PITPNC1: variants seen among roughly 807,000 people sequenced by gnomAD.
PITPNC1 encodes phosphatidylinositol transfer protein cytoplasmic 1.
PITPNC1 carries 18 observed loss-of-function variants against 44.7 expected under a neutral mutation model. That is an observed-to-expected ratio of 0.40 (90% CI 0.28 to 0.60). The LOEUF (loss-of-function observed/expected upper bound fraction) is 0.60. PITPNC1 is among the 20% of genes least tolerant of loss of function. The pLI is 0.39. For missense variants in PITPNC1, 290 were observed against 418.4 expected, an observed-to-expected ratio of 0.69 and a Z score of 2.68; for synonymous variants, 141 against 149.6, an observed-to-expected ratio of 0.94 and a Z score of 0.42.
intron 1 of PITPNC1, among the ~76,000 whole-genome samples, chr17:67,476,938 GC>G (rs1467308941): frequency 6.6e-6 from 1 of 152,166 alleles, no homozygotes; most frequent in Non-Finnish European, 1.5e-5. Flanking sequence ...AGAGTCTCAG[GC>G]CCCACCCCAG....
In PITPNC1 at chr17:67,628,370, A is replaced by C. The variant is rs77138007; in HGVS notation, c.367-3773A>C. 6.7e-3 allele frequency among the ~76,000 whole-genome samples: 1,024 copies of C among 152,260 alleles called. 4 individuals are homozygous for C. The highest frequency in any genetic ancestry group is 0.017 in the Middle Eastern group (5 of 294). On this transcript the variant is annotated intron_variant, in intron 5 of 8. Coordinates refer to ENST00000581322, the MANE Select transcript of PITPNC1 (RefSeq NM_012417.4). ...TTTGTATGCAATGGGTGTATCAGTC[A>C]GGGCCCAATCAGGAGATAGAAACCA...
chr17:67,636,037 G>A (rs1214375397), intron 6 of PITPNC1, among the ~76,000 whole-genome samples: 5 of 152,098 alleles, frequency 3.3e-5, no homozygotes, highest in Non-Finnish European at 7.4e-5. Flanking sequence ...GGTGGCTCAC[G>A]CCTATAATCC....
At chr17:67,442,444 G>A (rs1038114971) in intron 1 of PITPNC1, among the ~76,000 whole-genome samples, 1 of 150,938 alleles carries the variant, frequency 6.6e-6, no homozygotes, top group Non-Finnish European at 1.5e-5. Flanking sequence ...GCAGCCAGTG[G>A]GGAAGAAGGC....
At chr17:67,550,929 C>T (rs1404695285) in intron 2 of PITPNC1, among the ~76,000 whole-genome samples, 7 of 152,080 alleles carry the variant, frequency 4.6e-5, no homozygotes, top group African/African-American at 1.7e-4. Flanking sequence ...GGCGTGGTGG[C>T]TGGCGCCTGT....
At chr17:67,488,045 T>C (rs867179530) in intron 1 of PITPNC1, among the ~76,000 whole-genome samples, 1 of 152,192 alleles carries the variant, frequency 6.6e-6, no homozygotes, top group African/African-American at 2.4e-5. Flanking sequence ...AAAAGAGCTG[T>C]TGCTGGCGGG....
intron 1 of PITPNC1, among the ~76,000 whole-genome samples, chr17:67,454,915 G>C (rs984011932): frequency 3.3e-5 from 5 of 151,360 alleles, no homozygotes; most frequent in African/African-American, 1.2e-4. Flanking sequence ...CACCTCCAGG[G>C]CTCAAGCAAT....
At position 67,630,355 on chromosome 17, in the gene PITPNC1, C is replaced by T. The variant is rs181119352; in HGVS notation, c.367-1788C>T. 7.5e-4 allele frequency among the ~76,000 whole-genome samples: 115 copies of T among 152,336 alleles called. 1 individual carries two copies. The highest frequency in any genetic ancestry group is 3.4e-3 in the Middle Eastern group (1 of 294). On this transcript the variant is annotated intron_variant, in intron 5 of 8. Coordinates refer to ENST00000581322, the MANE Select transcript of PITPNC1 (RefSeq NM_012417.4). ...TCTGTTGGCCGGGCATGGTGGCTCA[C>T]GCCTGTAATCCCAGCACTTTGGGAG...
chr17:67,627,126 G>A (rs1261180070), intron 5 of PITPNC1, among the ~76,000 whole-genome samples: 1 of 152,138 alleles, frequency 6.6e-6, no homozygotes, highest in Admixed American at 6.5e-5. Context: ...GGTGACAGGC[G>A]CCTGTAATCC....
intron 1 of PITPNC1, among the ~76,000 whole-genome samples, chr17:67,451,451 G>A (rs758286522): frequency 2.6e-4 from 40 of 152,158 alleles, no homozygotes; most frequent in Middle Eastern, 6.8e-3. Context: ...AGCCATCACC[G>A]CAGTCCAGTT....
intron 3 of PITPNC1, 35 bp downstream of exon 3, chr17:67,552,380 T>C (rs1482424605): frequency 6.9e-6 from 7 of 1,019,390 alleles, no homozygotes; most frequent in Admixed American, 5.1e-5. Context: ...GCACATGTAG[T>C]GAGTGCAAGG....
intron 1 of PITPNC1, among the ~76,000 whole-genome samples, chr17:67,455,429 T>C (rs1431599376): frequency 1.3e-5 from 2 of 152,026 alleles, no homozygotes; most frequent in Non-Finnish European, 2.9e-5. Context: ...GGTATCTACA[T>C]TTTTATTTAT....
intron 8 of PITPNC1, among the ~76,000 whole-genome samples, chr17:67,683,821 T>C (rs988698682): frequency 6.7e-6 from 1 of 150,000 alleles, no homozygotes; most frequent in Non-Finnish European, 1.5e-5. Context: ...CTACTAAAAA[T>C]ACAAAAATCA....
intron 5 of PITPNC1, among the ~76,000 whole-genome samples, chr17:67,587,906 C>T (rs1042280712): frequency 3.3e-5 from 5 of 152,198 alleles, no homozygotes; most frequent in African/African-American, 1.2e-4. Flanking sequence ...GTAGCTTCCC[C>T]TGGAAGTTAC....
At chr17:67,591,898 G>A (rs1350848643) in intron 5 of PITPNC1, among the ~76,000 whole-genome samples, 1 of 146,410 alleles carries the variant, frequency 6.8e-6, no homozygotes, top group Non-Finnish European at 1.5e-5. Flanking sequence ...TTTTTGTAGA[G>A]ATGGGCATCT....
intron 1 of PITPNC1, among the ~76,000 whole-genome samples, chr17:67,409,492 T>G (rs1248651685): frequency 6.6e-6 from 1 of 152,220 alleles, no homozygotes; most frequent in Admixed American, 6.5e-5. Flanking sequence ...CACTCAACAT[T>G]TTGATCCTGA....
At chr17:67,486,690 G>A (rs1233036561) in intron 1 of PITPNC1, among the ~76,000 whole-genome samples, 2 of 152,158 alleles carry the variant, frequency 1.3e-5, no homozygotes, top group African/African-American at 2.4e-5. Context: ...GACACATAAC[G>A]AGGAATGTGG....
At position 67,393,826 on chromosome 17, in the gene PITPNC1, C is replaced by T. The variant is rs375290766; in HGVS notation, c.48+15624C>T. 2.6e-5 allele frequency among the ~76,000 whole-genome samples: 4 copies of T among 152,210 alleles called. No individual in the cohort carries two copies. In the East Asian group the frequency reaches 7.7e-4, roughly 29 times the overall value. ...AGACCCCTTTTCTGAGTAAGGAAGA[C>T]CAGTTAAAATGTTAGCTTATTTTTT... On this transcript the variant is annotated intron_variant, in intron 1 of 8. Transcript: ENST00000581322.
At chr17:67,494,097 A>G (rs568078577) in intron 1 of PITPNC1, among the ~76,000 whole-genome samples, 1 of 152,162 alleles carries the variant, frequency 6.6e-6, no homozygotes, top group Non-Finnish European at 1.5e-5. Context: ...ATATGGTACT[A>G]AAATGAGATC....
intron 1 of PITPNC1, among the ~76,000 whole-genome samples, chr17:67,380,069 TTTTC>T (rs2037934451): frequency 6.6e-6 from 1 of 150,864 alleles, no homozygotes; most frequent in Non-Finnish European, 1.5e-5. Flanking sequence ...TTTTTTTGTC[TTTTC>T]TTTTCTTTTT....
Sources: allele counts gnomAD v4.1 joint callset (sites outside exome capture counted in the v4.1 genomes callset), GRCh38; gene constraint gnomAD v4.1.1; transcripts MANE v1.5; gene names NCBI Gene and HGNC (gene_info 2026-07-23, HGNC 2026-07-21).